GRM8: variants seen among roughly 807,000 people sequenced by gnomAD.
GRM8 encodes the protein metabotropic glutamate receptor 8.
Under a neutral mutation model 87.2 loss-of-function variants are expected in GRM8, and 47 were observed. That is an observed-to-expected ratio of 0.54 (90% CI 0.43 to 0.69). The LOEUF (loss-of-function observed/expected upper bound fraction) is 0.69. Among genes scored for constraint, GRM8 ranks in the 30% least tolerant of loss-of-function variants. The pLI, the probability that GRM8 is intolerant of heterozygous loss-of-function variation, is 0.00. For synonymous variants in GRM8, 396 were observed against 404.5 expected (o/e 0.98, Z 0.25); for missense variants, 1,019 against 1,139.2 (o/e 0.89, Z 1.52).
chr7:126,741,121 AG>A (rs749481191), intron 7 of GRM8, among the ~76,000 whole-genome samples: 61 of 152,114 alleles, frequency 4.0e-4, no homozygotes, highest in Non-Finnish European at 7.9e-4. Flanking sequence ...TACAGAGAGT[AG>A]GCTTTCACCA....
chr7:126,907,837 T>C (rs1563305860), intron 3 of GRM8, among the ~76,000 whole-genome samples: 1 of 151,976 alleles, frequency 6.6e-6, no homozygotes, highest in Non-Finnish European at 1.5e-5. Context: ...CAGTGGGAAA[T>C]GATGACTGAG....
intron 1 of GRM8, among the ~76,000 whole-genome samples, chr7:127,250,105 G>A (rs1200842306): frequency 6.6e-6 from 1 of 152,218 alleles, no homozygotes; most frequent in Non-Finnish European, 1.5e-5. Flanking sequence ...GTGCCCTGAA[G>A]ACAATGGAAC....
At chr7:126,913,523 T>C (rs1386589113) in intron 3 of GRM8, among the ~76,000 whole-genome samples, 1 of 152,228 alleles carries the variant, frequency 6.6e-6, no homozygotes, top group South Asian at 2.1e-4. Flanking sequence ...TTATTTCTTA[T>C]GAACATGCCT....
chr7:126,781,129 C>CTA (rs1209481507), intron 6 of GRM8, among the ~76,000 whole-genome samples: 1 of 152,128 alleles, frequency 6.6e-6, no homozygotes, highest in African/African-American at 2.4e-5. Context: ...GCAACAGTGT[C>CTA]TAGGACAGAA....
intron 7 of GRM8, among the ~76,000 whole-genome samples, chr7:126,694,768 G>C (rs776572143): frequency 6.6e-6 from 1 of 152,156 alleles, no homozygotes; most frequent in Non-Finnish European, 1.5e-5. Flanking sequence ...AATTATATTA[G>C]TCTAGGTCAG....
intron 3 of GRM8, among the ~76,000 whole-genome samples, chr7:127,048,649 A>T (rs1819174082): frequency 6.6e-6 from 1 of 152,230 alleles, no homozygotes; most frequent in Non-Finnish European, 1.5e-5. Context: ...TAACTTGCCA[A>T]GTCACACAGC....
rs559063354 is a variant in GRM8 at position 126,649,764 on chromosome 7, G to A, written c.1358-40266C>T. Among the ~76,000 whole-genome samples the A allele has an allele frequency of 3.9e-5, 6 of 152,240 alleles. No homozygotes were observed. The East Asian group carries it at 7.7e-4, about 20-fold the overall frequency. On this transcript the variant is annotated intron_variant, in intron 7 of 10. Coordinates refer to ENST00000339582, the MANE Select transcript of GRM8 (RefSeq NM_000845.3). ...GATGTGTTACTTTGGCCCATTTATC[G>A]AGTGACCCAAAAGGCTGCCAGTTTT...
intron 6 of GRM8, among the ~76,000 whole-genome samples, chr7:126,826,033 C>A (rs982672936): frequency 3.9e-5 from 6 of 152,054 alleles, no homozygotes; most frequent in African/African-American, 1.5e-4. Flanking sequence ...ATCCATGTCC[C>A]TACAAAGGAC....
Position 127,147,236 on chromosome 7 carries a change from G to A in GRM8, c.511-40524C>T, listed in dbSNP as rs183494405. Among the ~76,000 whole-genome samples, 86 of 152,100 alleles carry A rather than the reference G, an allele frequency of 5.7e-4. No individual in the cohort carries two copies. In the East Asian group the frequency reaches 0.014, roughly 25 times the overall value. ...CAGAGAGCTAATCAATGTTTCCCAA[G>A]AAGTCTGAACCCCACCACCAAACCA... On this transcript the variant is annotated intron_variant, in intron 2 of 10. Coordinates refer to ENST00000339582, the MANE Select transcript of GRM8 (RefSeq NM_000845.3).
chr7:126,765,267 C>CT (rs748975326), intron 7 of GRM8, among the ~76,000 whole-genome samples: 11 of 151,364 alleles, frequency 7.3e-5, no homozygotes, highest in African/African-American at 1.5e-4. Context: ...GACAGAGATG[C>CT]TTTTTTTTTC....
intron 3 of GRM8, among the ~76,000 whole-genome samples, chr7:127,026,381 G>C (rs1194468494): frequency 6.6e-6 from 1 of 152,068 alleles, no homozygotes. Context: ...AGATTGCTGG[G>C]TCAAATGGTA....
intron 7 of GRM8, among the ~76,000 whole-genome samples, chr7:126,630,417 A>G (rs902514075): frequency 1.3e-5 from 2 of 152,162 alleles, no homozygotes; most frequent in Non-Finnish European, 2.9e-5. Context: ...GTCCAGGACC[A>G]GACATATTAG....
chr7:127,127,774 A>G (rs1024914291), intron 2 of GRM8, among the ~76,000 whole-genome samples: 4 of 152,086 alleles, frequency 2.6e-5, no homozygotes, highest in African/African-American at 9.7e-5. Flanking sequence ...ATATTATTAT[A>G]TGTAAGTTAT....
At chr7:126,752,590 A>G (rs1390064683) in intron 7 of GRM8, among the ~76,000 whole-genome samples, 1 of 152,126 alleles carries the variant, frequency 6.6e-6, no homozygotes, top group East Asian at 1.9e-4. Flanking sequence ...ATGGGTTTCT[A>G]CAAAGTGTTT....
chr7:126,740,008 C>T (rs1287116770), intron 7 of GRM8, among the ~76,000 whole-genome samples: 1 of 151,982 alleles, frequency 6.6e-6, no homozygotes, highest in Non-Finnish European at 1.5e-5. Flanking sequence ...GACAAAATCA[C>T]CTAAGAACAC....
intron 7 of GRM8, among the ~76,000 whole-genome samples, chr7:126,750,591 G>A (rs1387984075): frequency 1.3e-5 from 2 of 151,674 alleles, no homozygotes; most frequent in Non-Finnish European, 2.9e-5. Context: ...AAATATGACT[G>A]TAATAAACTT....
rs373344196 is a variant in GRM8, at chr7:126,685,495, C to T, written c.1358-75997G>A. On this transcript the variant is annotated intron_variant, in intron 7 of 10. Coordinates refer to ENST00000339582, the MANE Select transcript of GRM8 (RefSeq NM_000845.3). The surrounding 1 kb of genome is among the most constrained non-coding windows in gnomAD (Gnocchi z 4.2). The stretch of plus-strand genomic sequence containing the variant: ...GTGTTCCTGGGGGCCCAGGAAGGCC[C>T]CTCTGACCCCTGCAGGCTTGGAGGT... Among the ~76,000 whole-genome samples, 21 of 152,216 alleles carry T rather than the reference C, an allele frequency of 1.4e-4. No individual in the cohort carries two copies. The highest frequency in any genetic ancestry group is 3.4e-3 in the Middle Eastern group (1 of 294).
At chr7:126,494,115 A>C (rs1427795998) in intron 9 of GRM8, among the ~76,000 whole-genome samples, 2 of 151,992 alleles carry the variant, frequency 1.3e-5, no homozygotes, top group Non-Finnish European at 2.9e-5. Flanking sequence ...TCACATATTT[A>C]CCAGTAATGA....
At chr7:126,447,519 T>C (rs143351165) in intron 9 of GRM8, among the ~76,000 whole-genome samples, 97 of 152,050 alleles carry the variant, frequency 6.4e-4, no homozygotes, top group African/African-American at 2.3e-3. Flanking sequence ...CTGTTAGTCT[T>C]GCTAACATCT....
Sources: allele counts gnomAD v4.1 joint callset (sites outside exome capture counted in the v4.1 genomes callset), GRCh38; gene constraint gnomAD v4.1.1; non-coding constraint Gnocchi (gnomAD v3.1); transcripts MANE v1.5; gene names NCBI Gene and HGNC (gene_info 2026-07-23, HGNC 2026-07-21).